The following PGR variants were observed in gnomAD, a reference collection of about 807,000 sequenced individuals.
PGR encodes progesterone receptor, also known as nuclear receptor subfamily 3 group C member 3.
PGR carries 25 observed loss-of-function variants against 76.1 expected under a neutral mutation model. The observed-to-expected ratio is 0.33, with a 90% confidence interval of 0.24 to 0.46. The LOEUF (loss-of-function observed/expected upper bound fraction) is 0.46. Among genes scored for constraint, PGR ranks in the 20% least tolerant of loss-of-function variants. The probability of loss-of-function intolerance (pLI) is 1.00; values close to 1 mark genes in which losing one functional copy is unlikely to be tolerated. For synonymous variants in PGR, 579 were observed against 535.0 expected (o/e 1.08, Z -1.14); for missense variants, 1,172 against 1,225.3 (o/e 0.96, Z 0.65).
In PGR at chr11:101,033,760, A is replaced by T. The variant is rs915095469; in HGVS notation, c.*5356T>A. On this transcript the variant is annotated 3_prime_UTR_variant, in exon 8 of 8. Transcript: ENST00000325455. Reference sequence around the variant, plus strand: ...AAACCACTGCTGTCTAAAATAATTCATAACAGTAAAAATGCAGATTAGTAA... The same window carrying T: ...AAACCACTGCTGTCTAAAATAATTCTTAACAGTAAAAATGCAGATTAGTAA... 1 of 206,772 alleles carries T rather than the reference A, an allele frequency of 4.8e-6. No individual in the cohort carries two copies. The highest frequency in any genetic ancestry group is 5.9e-5 in the Admixed American group (1 of 16,878). The allele number at this position is 206,772 out of a possible 1,614,324, so 12.8% of individuals were successfully genotyped here. A position where few individuals can be genotyped will look rare whatever the true frequency, so the allele number is the denominator to read the frequency against.
At chr11:101,114,858 T>A (rs1454696700) in intron 2 of PGR, among the ~76,000 whole-genome samples, 1 of 152,202 alleles carries the variant, frequency 6.6e-6, no homozygotes, top group African/African-American at 2.4e-5. Context: ...ATACTGCTGA[T>A]ATACTAATTT....
In PGR at chr11:101,073,056, T is replaced by C. The variant is rs1310028301; in HGVS notation, c.1907-10304A>G. Reference sequence around the variant, plus strand: ...GCACCACATTGCACTTATTCTAAAATTGACCACATAATTGGAAGTAAAACA... The same window carrying C: ...GCACCACATTGCACTTATTCTAAAACTGACCACATAATTGGAAGTAAAACA... On this transcript the variant is annotated intron_variant, in intron 3 of 7. Transcript: ENST00000325455. Among the ~76,000 whole-genome samples the C allele has an allele frequency of 2.0e-5, 3 of 152,120 alleles. No individual in the cohort carries two copies. In the East Asian group the frequency reaches 5.8e-4, roughly 29 times the overall value.
chr11:101,129,415 G>T lies in PGR; in HGVS notation c.-345C>A. ...CAACTTCTGTCCGAGGACTGGAGAC[G>T]CAGAGTACTCACAAGTCCGGCACTT... On this transcript the variant is annotated 5_prime_UTR_variant, in exon 1 of 8. Transcript: ENST00000325455. The T allele has an allele frequency of 3.3e-6, 1 of 303,530 alleles. No homozygotes were observed. Among genetic ancestry groups the T allele is most frequent in the Non-Finnish European group, 6.1e-6 (1 of 163,736 alleles). The allele number at this position is 303,530 out of a possible 1,614,324, so 18.8% of individuals were successfully genotyped here.
intron 2 of PGR, among the ~76,000 whole-genome samples, chr11:101,093,643 G>A (rs1342152951): frequency 6.6e-6 from 1 of 152,086 alleles, no homozygotes; most frequent in Non-Finnish European, 1.5e-5. Flanking sequence ...ATTTTTAGTA[G>A]AGACAGGGTT....
In PGR at chr11:101,031,747, T is replaced by C. The variant is rs1217409865; in HGVS notation, c.*7369A>G. 4.4e-6 allele frequency: 1 copy of C among 227,386 alleles called. No individual in the cohort carries two copies. Among genetic ancestry groups the C allele is most frequent in the African/African-American group, 2.2e-5 (1 of 45,026 alleles). 14.1% of individuals were successfully genotyped at this position (227,386 alleles called of 1,614,324 possible). A position where few individuals can be genotyped will look rare whatever the true frequency, so the allele number is the denominator to read the frequency against. Reference sequence around the variant, plus strand: ...TGGGCTTTGATGGAACTTGGTTCCATAGAAGGAATCCCAGATAAGGCTTTT... The same window carrying C: ...TGGGCTTTGATGGAACTTGGTTCCACAGAAGGAATCCCAGATAAGGCTTTT... On this transcript the variant is annotated 3_prime_UTR_variant, in exon 8 of 8. Coordinates refer to ENST00000325455, the MANE Select transcript of PGR (RefSeq NM_000926.4).
intron 4 of PGR, among the ~76,000 whole-genome samples, chr11:101,053,112 G>A (rs774920582): frequency 1.1e-4 from 17 of 152,284 alleles, no homozygotes; most frequent in Non-Finnish European, 2.4e-4. Flanking sequence ...ATGTTTTGCT[G>A]AGAACATCAA....
intron 6 of PGR, among the ~76,000 whole-genome samples, chr11:101,044,158 TA>T (rs1565328872): frequency 6.6e-6 from 1 of 152,216 alleles, no homozygotes; most frequent in Non-Finnish European, 1.5e-5. Flanking sequence ...ACCTGTTTTT[TA>T]GCACAGCTAC....
chr11:101,128,729 G>A lies in PGR; in HGVS notation c.342C>T (p.Val114=), dbSNP rs1464202192. 1.9e-6 allele frequency: 3 copies of A among 1,612,658 alleles called. No individual in the cohort carries two copies. Among genetic ancestry groups the A allele is most frequent in the Admixed American group, 3.3e-5 (2 of 59,960 alleles). ...CTGAGGGCGCCAACAGAGTGTCCAAGACACTGTCCAGCAGTCCGCTGTCCT... is the reference window on the plus strand; with the variant it reads ...CTGAGGGCGCCAACAGAGTGTCCAAAACACTGTCCAGCAGTCCGCTGTCCT... ...PEKDSGLLDS[V]LDTLLAPSGP... Residue 114 remains valine (V), a synonymous_variant, in exon 1 of 8, where the codon GTC becomes GTT. Transcript: ENST00000325455.
chr11:101,127,857 A>C lies in PGR; in HGVS notation c.1214T>G (p.Leu405Arg). ...GGCTGCGGGGTTGGCACCGGCCACA[A>C]GGTAGGAACGCGGGGAGCGCGCGGA... Reference protein sequence around the residue: ...EASARSPRSYLVAGANPAAFP... With the variant: ...EASARSPRSYRVAGANPAAFP... The change falls in exon 1 of 8, where the codon CTT (leucine) becomes CGT (arginine). Residue 405 changes from leucine to arginine, a missense_variant. Leu to Arg is a moderately radical substitution (Grantham distance 102). Around this residue, in one of 4 missense-constraint regions of PGR, gnomAD observed 893 missense variants for 785.9 expected, o/e 1.14. Coordinates refer to ENST00000325455, the MANE Select transcript of PGR (RefSeq NM_000926.4). 6.3e-7 allele frequency: 1 copy of C among 1,596,018 alleles called. No individual in the cohort carries two copies. Among genetic ancestry groups the C allele is most frequent in the Non-Finnish European group, 8.5e-7 (1 of 1,176,176 alleles).
intron 2 of PGR, among the ~76,000 whole-genome samples, chr11:101,114,968 A>T (rs1408607043): frequency 6.6e-6 from 1 of 152,126 alleles, no homozygotes; most frequent in Non-Finnish European, 1.5e-5. Flanking sequence ...TGCATTCCAC[A>T]TTTTCTTGAC....
chr11:101,059,686 T>A (rs987447068), intron 4 of PGR, among the ~76,000 whole-genome samples: 13 of 150,580 alleles, frequency 8.6e-5, no homozygotes, highest in East Asian at 2.0e-4. Context: ...ATAAAAAAAA[T>A]TTAGCCAAGC....
intron 3 of PGR, among the ~76,000 whole-genome samples, chr11:101,090,097 T>A (rs983929552): frequency 7.3e-5 from 11 of 151,210 alleles, no homozygotes; most frequent in African/African-American, 2.7e-4. Context: ...ACTTGGGAGG[T>A]TGTGGCAGGA....
chr11:101,039,265 T>G lies in PGR; in HGVS notation c.2653A>C (p.Lys885Gln). The change falls in exon 8 of 8, where the codon AAA (lysine) becomes CAA (glutamine). Residue 885 changes from lysine (K) to glutamine (Q), a missense_variant. Around this residue, in one of 4 missense-constraint regions of PGR, gnomAD observed 166 missense variants for 296.0 expected, o/e 0.56. Coordinates refer to ENST00000325455, the MANE Select transcript of PGR (RefSeq NM_000926.4). ...KLLDNLHDLV[K>Q]QLHLYCLNTF... ...TTCAAGCAGTACAGATGAAGTTGTT[T>G]GACAAGCTGTTGGTTTAACAAATGA... 4 of 1,609,148 alleles carry G rather than the reference T, an allele frequency of 2.5e-6. No homozygotes were observed. Among genetic ancestry groups the G allele is most frequent in the Non-Finnish European group, 3.4e-6 (4 of 1,176,086 alleles).
In PGR at chr11:101,129,099, C is replaced by A. The variant is rs1265190250; in HGVS notation, c.-29G>T. 4 of 1,370,180 alleles carry A rather than the reference C, an allele frequency of 2.9e-6. No homozygotes were observed. The highest frequency in any genetic ancestry group is 2.7e-5 in the South Asian group (2 of 75,166). 84.9% of individuals were successfully genotyped at this position (1,370,180 alleles called of 1,614,324 possible). The stretch of plus-strand genomic sequence containing the variant: ...GACTGGACTCCCCTTTTCTCCTCCC[C>A]CGTCTCCAGGAGGAGGGAAAAGGGA... On this transcript the variant is annotated 5_prime_UTR_variant, in exon 1 of 8. Transcript: ENST00000325455.
intron 3 of PGR, among the ~76,000 whole-genome samples, chr11:101,081,585 G>A (rs930013745): frequency 6.6e-6 from 1 of 152,182 alleles, no homozygotes; most frequent in Non-Finnish European, 1.5e-5. Context: ...TTGCAAGCTA[G>A]GAGAGATTGG....
chr11:101,086,822 A>G (rs929560253), intron 3 of PGR, among the ~76,000 whole-genome samples: 2 of 152,158 alleles, frequency 1.3e-5, no homozygotes, highest in Non-Finnish European at 1.5e-5. Flanking sequence ...CAAGAAAGTA[A>G]TCCCATTTAA....
intron 7 of PGR, among the ~76,000 whole-genome samples, chr11:101,039,682 T>A (rs1859633936): frequency 6.6e-6 from 1 of 152,032 alleles, no homozygotes; most frequent in African/African-American, 2.4e-5. Flanking sequence ...GTTCTTCCTA[T>A]GCCAATAATC....
chr11:101,062,593 T>C lies in PGR; in HGVS notation c.2066A>G (p.Asn689Ser), dbSNP rs773476472. The C allele has an allele frequency of 1.2e-6, 2 of 1,614,020 alleles. No homozygotes were observed. Among genetic ancestry groups the C allele is most frequent in the South Asian group, 2.2e-5 (2 of 91,084 alleles). The change falls in exon 4 of 8, where the codon AAC (asparagine) becomes AGC (serine). Residue 689 changes from asparagine (N) to serine (S), a missense_variant. Asn to Ser is a conservative substitution (Grantham distance 46, BLOSUM62 1). This residue lies in a region of PGR where 166 missense variants were observed against 296.0 expected (regional missense o/e 0.56). Coordinates refer to ENST00000325455, the MANE Select transcript of PGR (RefSeq NM_000926.4). ...ATCTGGTTCAATGCTCATTAACAGG[T>C]TGATCAGTGGTGGAATCAACTGTAT... Reference protein sequence around the residue: ...QDIQLIPPLINLLMSIEPDVI... With the variant: ...QDIQLIPPLISLLMSIEPDVI...
chr11:101,098,141 C>A (rs1388221010), intron 2 of PGR, among the ~76,000 whole-genome samples: 1 of 152,050 alleles, frequency 6.6e-6, no homozygotes, highest in Non-Finnish European at 1.5e-5. Context: ...GTGATTAGAT[C>A]ATTTTATTTG....
Sources: gnomAD v4.1 joint callset for allele counts (sites outside exome capture counted in the v4.1 genomes callset) on GRCh38, gnomAD v4.1.1 for gene constraint, gnomAD v4.1.1 regional missense constraint, MANE v1.5 for transcripts, NCBI Gene and HGNC (gene_info 2026-07-23, HGNC 2026-07-21) for gene names.